The following PRRC2C variants were observed in gnomAD, a reference collection of about 807,000 sequenced individuals.
PRRC2C encodes proline rich coiled-coil 2C, also known as protein PRRC2C.
A neutral mutation model predicts 317.2 loss-of-function variants in PRRC2C; 72 were observed. The ratio of observed to expected loss-of-function variants is 0.23; its 90% CI spans 0.19 to 0.28. The LOEUF is 0.28. Among genes scored for constraint, PRRC2C ranks in the 10% least tolerant of loss-of-function variants. PRRC2C has a pLI of 1.00. For missense variants in PRRC2C, 3,074 were observed against 3,459.7 expected, an observed-to-expected ratio of 0.89 and a Z score of 2.80; for synonymous variants, 1,296 against 1,205.9, an observed-to-expected ratio of 1.07 and a Z score of -1.55.
chr1:171,500,997 C>A (rs1368495010), intron 1 of PRRC2C, among the ~76,000 whole-genome samples: 1 of 152,198 alleles, frequency 6.6e-6, no homozygotes, highest in African/African-American at 2.4e-5. Context: ...TTCCTGTGCT[C>A]CAGCAGTCCT....
At chr1:171,548,889 T>C (rs969537533) in intron 17 of PRRC2C, among the ~76,000 whole-genome samples, 2 of 152,208 alleles carry the variant, frequency 1.3e-5, no homozygotes, top group African/African-American at 4.8e-5. Flanking sequence ...AGGGTCTTGC[T>C]CTCCCAGGCT....
In PRRC2C at chr1:171,524,961, A is replaced by T; in HGVS notation, c.1196A>T (p.Asn399Ile). 6.2e-7 allele frequency: 1 copy of T among 1,603,128 alleles called. No homozygotes were observed. Among genetic ancestry groups the T allele is most frequent in the Non-Finnish European group, 8.5e-7 (1 of 1,174,264 alleles). ...CCCTATGGGAAAGGACCTTCATTTAATCAGGTTTGTTGGACTCATGGAGAT... is the reference window on the plus strand; with the variant it reads ...CCCTATGGGAAAGGACCTTCATTTATTCAGGTTTGTTGGACTCATGGAGAT... ...KVPYGKGPSF[N>I]QERGTSSHLP... Residue 399 changes from asparagine to isoleucine, a missense_variant, in exon 10 of 35, where the codon AAT becomes ATT. Around this residue, in one of 11 missense-constraint regions of PRRC2C, gnomAD observed 1,320 missense variants for 1,395.7 expected, o/e 0.95. Coordinates refer to ENST00000647382, the MANE Select transcript of PRRC2C (RefSeq NM_001387844.1).
intron 17 of PRRC2C, among the ~76,000 whole-genome samples, chr1:171,546,946 G>T (rs1038762101): frequency 1.3e-5 from 2 of 151,864 alleles, no homozygotes; most frequent in African/African-American, 4.8e-5. Context: ...GACATAATAG[G>T]CCCAGGGCAG....
chr1:171,556,950 T>C (rs1482575631), intron 18 of PRRC2C, among the ~76,000 whole-genome samples: 1 of 152,232 alleles, frequency 6.6e-6, no homozygotes, highest in Non-Finnish European at 1.5e-5. Flanking sequence ...TTTTGTTAGC[T>C]CAGGTAAGTT....
chr1:171,591,042 A>G (rs754025255), intron 34 of PRRC2C: 4 of 353,026 alleles, frequency 1.1e-5, no homozygotes, highest in South Asian at 1.1e-4. Flanking sequence ...TTGGGGGCAC[A>G]TAGTCAAAAC....
chr1:171,577,213 A>AT (rs1341924006), intron 25 of PRRC2C, among the ~76,000 whole-genome samples: 1 of 151,768 alleles, frequency 6.6e-6, no homozygotes, highest in Non-Finnish European at 1.5e-5. Flanking sequence ...TCTTGTTTTG[A>AT]TTTTCTGTTG....
intron 13 of PRRC2C, among the ~76,000 whole-genome samples, chr1:171,535,803 A>G (rs755336606): frequency 1.3e-5 from 2 of 152,190 alleles, no homozygotes; most frequent in South Asian, 2.1e-4. Flanking sequence ...TATAGACACC[A>G]TCTTCCATTT....
chr1:171,519,377 C>T (rs553948321), intron 6 of PRRC2C, among the ~76,000 whole-genome samples: 1 of 152,294 alleles, frequency 6.6e-6, no homozygotes, highest in East Asian at 1.9e-4. Flanking sequence ...AGGATCCAGG[C>T]AACATCCATT....
At chr1:171,545,784 A>T in intron 17 of PRRC2C, 97 bp downstream of exon 17, 2 of 868,726 alleles carry the variant, frequency 2.3e-6, no homozygotes, top group Non-Finnish European at 3.0e-6. Flanking sequence ...CAATTAAAGA[A>T]GTTTTCCAAG....
At chr1:171,565,206 T>C (rs568058292) in intron 20 of PRRC2C, among the ~76,000 whole-genome samples, 8 of 152,306 alleles carry the variant, frequency 5.3e-5, no homozygotes, top group Non-Finnish European at 1.2e-4. Context: ...ACCCTAGGTA[T>C]GTGGTCTCCC....
In PRRC2C at chr1:171,536,272, C is replaced by A. The variant is rs775751190; in HGVS notation, c.2287C>A (p.His763Asn). ...ACCTGCTATGGATATTCCACCCATT[C>A]ATCCTGGTCAGTTGAATTTGCATTT... ...GRPAMDIPPI[H>N]PGMIPPKPLM... Residue 763 changes from histidine to asparagine, a missense_variant, in exon 14 of 35, where the codon CAT becomes AAT. Physicochemically the swap from His to Asn is moderately conservative, Grantham distance 68. Transcript: ENST00000647382. 3.7e-6 allele frequency: 6 copies of A among 1,613,400 alleles called. No homozygotes were observed. Among genetic ancestry groups the A allele is most frequent in the Non-Finnish European group, 5.1e-6 (6 of 1,179,616 alleles).
chr1:171,517,979 A>G (rs1672690337), intron 6 of PRRC2C, among the ~76,000 whole-genome samples, 165 bp downstream of exon 6: 1 of 152,246 alleles, frequency 6.6e-6, no homozygotes, highest in South Asian at 2.1e-4. Flanking sequence ...GGGACTACAC[A>G]TGGTGTAAAC....
intron 25 of PRRC2C, among the ~76,000 whole-genome samples, chr1:171,575,531 A>G (rs1420079203): frequency 3.3e-5 from 5 of 152,204 alleles, no homozygotes; most frequent in Non-Finnish European, 7.3e-5. Context: ...AGCCTCTGCT[A>G]TTTGAGTGAT....
intron 13 of PRRC2C, among the ~76,000 whole-genome samples, chr1:171,535,808 C>T (rs1205358824): frequency 6.6e-6 from 1 of 152,164 alleles, no homozygotes. Flanking sequence ...ACACCATCTT[C>T]CATTTCTAGG....
intron 24 of PRRC2C, among the ~76,000 whole-genome samples, chr1:171,574,361 C>G (rs1685331899): frequency 6.6e-6 from 1 of 152,040 alleles, no homozygotes. Context: ...TAGTGCTGCT[C>G]TAGATTGAAA....
At chr1:171,522,126 A>T (rs1368800923) in intron 6 of PRRC2C, 51 bp from the exon 7 acceptor site, 16 of 1,013,166 alleles carry the variant, frequency 1.6e-5, no homozygotes, top group Non-Finnish European at 1.7e-5. Flanking sequence ...ATAATTTTTT[A>T]AAATAACTAG....
chr1:171,559,710 G>A (rs143068659), intron 19 of PRRC2C, among the ~76,000 whole-genome samples: 1 of 151,648 alleles, frequency 6.6e-6, no homozygotes, highest in African/African-American at 2.4e-5. Flanking sequence ...TCATAGAGAC[G>A]GGGTTTTGCC....
rs776985447 is a variant in PRRC2C at position 171,541,774 on chromosome 1, A to G, written c.4308A>G (p.Pro1436=). The G allele has an allele frequency of 6.2e-7, 1 of 1,614,048 alleles. No homozygotes were observed. The highest frequency in any genetic ancestry group is 2.2e-5 in the East Asian group (1 of 44,888). ...RPTRPPRQDK[P]PRFRRLRERE... Reference sequence around the variant, plus strand: ...CTCGACCACCAAGGCAAGACAAGCCACCTCGATTTAGACGGCTAAGAGAGA... The same window carrying G: ...CTCGACCACCAAGGCAAGACAAGCCGCCTCGATTTAGACGGCTAAGAGAGA... The change falls in exon 16 of 35, where the codon CCA becomes CCG. Residue 1436 remains proline (P), a synonymous_variant. Transcript: ENST00000647382. This position sits in a 1 kb window ranked among gnomAD's most constrained non-coding sequence, Gnocchi z 4.1.
intron 19 of PRRC2C, among the ~76,000 whole-genome samples, chr1:171,558,756 C>T (rs892072992): frequency 1.3e-5 from 2 of 151,988 alleles, no homozygotes; most frequent in Non-Finnish European, 2.9e-5. Context: ...GAAATTAGGC[C>T]GATTAATAAC....
Sources: allele counts gnomAD v4.1 joint callset (sites outside exome capture counted in the v4.1 genomes callset), GRCh38; gene constraint gnomAD v4.1.1; regional missense constraint gnomAD v4.1.1; non-coding constraint Gnocchi (gnomAD v3.1); transcripts MANE v1.5; gene names NCBI Gene and HGNC (gene_info 2026-07-23, HGNC 2026-07-21).